The following COBLL1 variants were observed in gnomAD, a reference collection of about 807,000 sequenced individuals.
The protein encoded by COBLL1 is cordon-bleu WH2 repeat protein like 1, also known as cordon-bleu protein-like 1.
A neutral mutation model predicts 94.8 loss-of-function variants in COBLL1; 50 were observed. The observed-to-expected ratio is 0.53, with a 90% CI of 0.42 to 0.67. COBLL1 has a LOEUF of 0.67. Among genes scored for constraint, COBLL1 ranks in the 30% least tolerant of loss-of-function variants. The pLI, the probability that COBLL1 is intolerant of heterozygous loss-of-function variation, is 0.00. For missense variants in COBLL1, 1,362 were observed against 1,348.7 expected (o/e 1.01, Z -0.15); for synonymous variants, 448 against 473.8 (o/e 0.95, Z 0.71).
At chr2:164,782,473 A>T (rs1011439509) in intron 2 of COBLL1, among the ~76,000 whole-genome samples, 1 of 152,182 alleles carries the variant, frequency 6.6e-6, no homozygotes, top group Admixed American at 6.6e-5. Flanking sequence ...ACATCATATT[A>T]TTCACATTAA....
intron 2 of COBLL1, among the ~76,000 whole-genome samples, chr2:164,789,378 T>G (rs1476955420): frequency 6.6e-6 from 1 of 152,028 alleles, no homozygotes; most frequent in Non-Finnish European, 1.5e-5. Flanking sequence ...CCCAAAGTAG[T>G]CAGAATTTTT....
intron 2 of COBLL1, among the ~76,000 whole-genome samples, chr2:164,813,401 A>C (rs1451353453): frequency 6.6e-6 from 1 of 152,112 alleles, no homozygotes; most frequent in East Asian, 1.9e-4. Context: ...GCTTCTCAGG[A>C]AAGACTTTTT....
At chr2:164,837,489 T>G (rs1232550135) in intron 2 of COBLL1, 2 of 461,392 alleles carry the variant, frequency 4.3e-6, no homozygotes, top group East Asian at 7.0e-5. Flanking sequence ...GTCTCCAACA[T>G]TTTTGCTCTC....
At chr2:164,741,912 C>T (rs1331995780) in intron 3 of COBLL1, among the ~76,000 whole-genome samples, 2 of 152,038 alleles carry the variant, frequency 1.3e-5, no homozygotes, top group Non-Finnish European at 2.9e-5. Context: ...AGAACTAATT[C>T]AGTTAAAGAG....
intron 2 of COBLL1, among the ~76,000 whole-genome samples, chr2:164,805,076 A>G (rs1013712752): frequency 6.6e-6 from 1 of 151,854 alleles, no homozygotes; most frequent in African/African-American, 2.4e-5. Flanking sequence ...GGCTAAGGGA[A>G]AAGATGCAGA....
In COBLL1 at chr2:164,818,339, T is replaced by TAG. The variant is rs200311688; in HGVS notation, c.41+22816_41+22817insCT. Reference sequence around the variant, plus strand: ...ACGTGTGTATGTATACATATATGTATATATACATATGTGCATATACGTATG... The same window carrying TAG: ...ACGTGTGTATGTATACATATATGTATAGATATACATATGTGCATATACGTATG... On this transcript the variant is annotated intron_variant, in intron 2 of 13. Coordinates refer to ENST00000652658, the MANE Select transcript of COBLL1 (RefSeq NM_001365672.2). Among the ~76,000 whole-genome samples, 2 of 139,252 alleles carry TAG rather than the reference T, an allele frequency of 1.4e-5. 1 individual carries two copies. The highest frequency in any genetic ancestry group is 3.2e-5 in the Non-Finnish European group (2 of 62,808). The allele number at this position is 139,252 out of a possible 152,430, so 91.4% of individuals were successfully genotyped here.
chr2:164,687,697 C>G, intron 13 of COBLL1: 1 of 710,522 alleles, frequency 1.4e-6, no homozygotes, highest in Non-Finnish European at 2.5e-6. Flanking sequence ...CTGCATACAC[C>G]ACCAAGGAAG....
Position 164,704,495 on chromosome 2 carries a change from G to T in COBLL1, c.1174C>A (p.Pro392Thr). 1 of 1,613,426 alleles carries T rather than the reference G, an allele frequency of 6.2e-7. No individual in the cohort carries two copies. The highest frequency in any genetic ancestry group is 8.5e-7 in the Non-Finnish European group (1 of 1,179,394). Residue 392 changes from proline (P) to threonine (T), a missense_variant, in exon 9 of 14, where the codon CCT (proline) becomes ACT (threonine). Transcript: ENST00000652658. ...TTTGCTTCTGAAGCACTGTCTGGAG[G>T]AACTCCATCTACTGGCTGTAAGGCT... ...VTALQPVDGV[P>T]PDSASEANSP...
chr2:164,727,984 T>G lies in COBLL1; in HGVS notation c.646A>C (p.Met216Leu). 1 of 1,604,482 alleles carries G rather than the reference T, an allele frequency of 6.2e-7. No homozygotes were observed. Among genetic ancestry groups the G allele is most frequent in the Non-Finnish European group, 8.5e-7 (1 of 1,171,328 alleles). The change falls in exon 5 of 14, where the codon ATG becomes CTG. Residue 216 changes from methionine (M) to leucine (L), a missense_variant. Met to Leu is a conservative substitution (Grantham distance 15). Transcript: ENST00000652658. ...TCTTACTTACCTCTGTTGACATCCA[T>G]CGCATATAATTCTCTTAGTCCCAGG... ...NDLGLRELYA[M>L]DVNRESCQIS... is the part of the protein sequence containing the mutation.
At chr2:164,750,010 AT>A in intron 2 of COBLL1, among the ~76,000 whole-genome samples, 1 of 152,180 alleles carries the variant, frequency 6.6e-6, no homozygotes. Context: ...ACCTCCTCTG[AT>A]TTCTAAATGT....
chr2:164,741,574 G>A (rs895368343), intron 3 of COBLL1, among the ~76,000 whole-genome samples: 6 of 150,740 alleles, frequency 4.0e-5, no homozygotes, highest in Admixed American at 4.0e-4. Flanking sequence ...AGCCCTGATA[G>A]TATTTCATTT....
chr2:164,817,433 A>G (rs1219074651), intron 2 of COBLL1, among the ~76,000 whole-genome samples: 1 of 151,916 alleles, frequency 6.6e-6, no homozygotes, highest in Non-Finnish European at 1.5e-5. Flanking sequence ...TAAAAATAAG[A>G]TAAATATTAA....
In COBLL1 at chr2:164,722,566, C is replaced by G. The variant is rs546991906; in HGVS notation, c.662-44G>C. 4 of 1,044,680 alleles carry G rather than the reference C, an allele frequency of 3.8e-6. No individual in the cohort carries two copies. The African/African-American group carries it at 6.5e-5, about 17-fold the overall frequency. The allele number at this position is 1,044,680 out of a possible 1,614,324, so 64.7% of individuals were successfully genotyped here. ...ATCTTACTTTTGTATGTGAGGTTGA[C>G]TGTTCACTTCCAAGATTTCTTTCTC... On this transcript the variant is annotated intron_variant, in intron 5 of 13. Coordinates refer to ENST00000652658, the MANE Select transcript of COBLL1 (RefSeq NM_001365672.2).
At chr2:164,701,562 T>C (rs1684258420) in intron 9 of COBLL1, among the ~76,000 whole-genome samples, 1 of 152,228 alleles carries the variant, frequency 6.6e-6, no homozygotes. Flanking sequence ...GGAAGCATAC[T>C]GTAGCCACCT....
Position 164,841,266 on chromosome 2 carries a change from C to A in COBLL1, c.-50-20G>T. On this transcript the variant is annotated intron_variant, in intron 1 of 13. Coordinates refer to ENST00000652658, the MANE Select transcript of COBLL1 (RefSeq NM_001365672.2). The surrounding 1 kb of genome is among the most constrained non-coding windows in gnomAD (Gnocchi z 5.5). ...TCACTGCTGGGGTGGGAGAGGCCGG[C>A]GGGTCAGGGCGGGACGCGCGCCTTC... 8.2e-7 allele frequency: 1 copy of A among 1,222,000 alleles called. No homozygotes were observed. The highest frequency in any genetic ancestry group is 1.0e-6 in the Non-Finnish European group (1 of 981,752). The allele number at this position is 1,222,000 out of a possible 1,614,324, so 75.7% of individuals were successfully genotyped here. A position where few individuals can be genotyped will look rare whatever the true frequency, so the allele number is the denominator to read the frequency against.
chr2:164,813,239 C>T (rs1684543669), intron 2 of COBLL1, among the ~76,000 whole-genome samples: 1 of 152,052 alleles, frequency 6.6e-6, no homozygotes. Context: ...TGTGAATCTA[C>T]ATTGTCATAT....
In COBLL1 at chr2:164,700,398, AAAAGGAT is replaced by A. The variant is rs1684187199; in HGVS notation, c.1460+117_1460+123del. 4 of 598,528 alleles carry A rather than the reference AAAAGGAT, an allele frequency of 6.7e-6. No homozygotes were observed. The South Asian group carries it at 9.8e-5, about 15-fold the overall frequency. 37.1% of individuals were successfully genotyped at this position (598,528 alleles called of 1,614,324 possible). A position where few individuals can be genotyped will look rare whatever the true frequency, so the allele number is the denominator to read the frequency against. ...TAATAAACATTCTTATATAATGGTA[AAAAGGAT>A]AAAGTCAAAACCAAAGGGCTGACTA... On this transcript the variant is annotated intron_variant, in intron 10 of 13. Transcript: ENST00000652658.
rs1253575726 is a variant in COBLL1, at chr2:164,789,302, G to A, written c.42-45427C>T. Reference sequence around the variant, plus strand: ...GAAGGGAGTTAGGTGGTAGAAATGGGGAAGAAATGACCTGGCCAGTAGATG... The same window carrying A: ...GAAGGGAGTTAGGTGGTAGAAATGGAGAAGAAATGACCTGGCCAGTAGATG... On this transcript the variant is annotated intron_variant, in intron 2 of 13. Transcript: ENST00000652658. Among the ~76,000 whole-genome samples, 16 of 152,210 alleles carry A rather than the reference G, an allele frequency of 1.1e-4. No individual in the cohort carries two copies. The East Asian group carries it at 2.9e-3, about 28-fold the overall frequency.
chr2:164,673,448 G>A (rs542754954), intron 1 of COBLL1, among the ~76,000 whole-genome samples: 37 of 152,264 alleles, frequency 2.4e-4, no homozygotes, highest in African/African-American at 6.5e-4. Flanking sequence ...GCTGAGGCAG[G>A]CACATCACTT....
Sources: allele counts gnomAD v4.1 joint callset (sites outside exome capture counted in the v4.1 genomes callset), GRCh38; gene constraint gnomAD v4.1.1; non-coding constraint Gnocchi (gnomAD v3.1); transcripts MANE v1.5; gene names NCBI Gene and HGNC (gene_info 2026-07-23, HGNC 2026-07-21).